SLC35F4: variants seen among roughly 807,000 people sequenced by gnomAD.
SLC35F4 encodes chromosome 14 open reading frame 36.
In SLC35F4, 24 loss-of-function variants were observed where a neutral mutation model predicts 44.2. That is an observed-to-expected ratio of 0.54 (90% CI 0.39 to 0.76). The LOEUF is 0.76. Among genes scored for constraint, SLC35F4 ranks in the 30% least tolerant of loss-of-function variants. SLC35F4 has a pLI of 0.00. For missense variants in SLC35F4, 562 were observed against 586.1 expected, an observed-to-expected ratio of 0.96 and a Z score of 0.42; for synonymous variants, 238 against 223.6, an observed-to-expected ratio of 1.06 and a Z score of -0.57.
intron 1 of SLC35F4, among the ~76,000 whole-genome samples, chr14:57,774,026 C>T (rs755597576): frequency 1.9e-4 from 29 of 152,068 alleles, no homozygotes; most frequent in Non-Finnish European, 3.5e-4. Flanking sequence ...ATACACCATC[C>T]ATGTATTAAA....
chr14:57,799,711 C>G (rs982049101), intron 1 of SLC35F4, among the ~76,000 whole-genome samples: 1 of 152,244 alleles, frequency 6.6e-6, no homozygotes, highest in African/African-American at 2.4e-5. Context: ...GGAAGGCTCC[C>G]CCTCAATGCA....
At chr14:57,901,507 G>T (rs531720568) in intron 1 of SLC35F4, among the ~76,000 whole-genome samples, 4 of 152,002 alleles carry the variant, frequency 2.6e-5, no homozygotes, top group African/African-American at 7.2e-5. Context: ...AACAACACAC[G>T]CTGGGGCCTG....
intron 4 of SLC35F4, among the ~76,000 whole-genome samples, chr14:57,575,608 A>G (rs923297372): frequency 6.6e-6 from 1 of 152,170 alleles, no homozygotes; most frequent in African/African-American, 2.4e-5. Flanking sequence ...AAATGTTTAA[A>G]CCTCTCTGCC....
At chr14:57,979,653 ATAGT>A (rs1341506575) in intron 1 of SLC35F4, among the ~76,000 whole-genome samples, 1 of 152,232 alleles carries the variant, frequency 6.6e-6, no homozygotes, top group East Asian at 1.9e-4. Flanking sequence ...AGGGAAACTG[ATAGT>A]TAAAGGCTTC....
intron 1 of SLC35F4, among the ~76,000 whole-genome samples, chr14:57,811,715 C>A (rs1156345330): frequency 6.6e-6 from 1 of 152,126 alleles, no homozygotes; most frequent in Admixed American, 6.5e-5. Flanking sequence ...ACAAGGCAAG[C>A]GACAGTCAAG....
At position 57,981,771 on chromosome 14, in the gene SLC35F4, T is replaced by G. The variant is rs115855730; in HGVS notation, n.151+142A>C. The G allele has an allele frequency of 2.5e-3, 380 of 152,306 alleles. 3 individuals are homozygous for G. Among genetic ancestry groups the G allele is most frequent in the African/African-American group, 8.7e-3 (363 of 41,558 alleles). The allele number at this position is 152,306 out of a possible 1,614,324, so 9.4% of individuals were successfully genotyped here. A position where few individuals can be genotyped will look rare whatever the true frequency, so the allele number is the denominator to read the frequency against. ...ATATAGTTCGGAAAATAAATTCAAT[T>G]ATATTTGAAATAATAAACTTGTTAC... On this transcript the variant is annotated intron_variant and non_coding_transcript_variant, in intron 1 of 1. Coordinates refer to the SLC35F4 transcript ENST00000554648.
At chr14:57,775,167 T>C (rs988109117) in intron 1 of SLC35F4, among the ~76,000 whole-genome samples, 1 of 152,198 alleles carries the variant, frequency 6.6e-6, no homozygotes, top group Admixed American at 6.5e-5. Flanking sequence ...CCAGTGCACA[T>C]GTGCACACAG....
At chr14:57,769,421 T>C (rs1052406032) in intron 1 of SLC35F4, among the ~76,000 whole-genome samples, 1 of 152,202 alleles carries the variant, frequency 6.6e-6, no homozygotes, top group Non-Finnish European at 1.5e-5. Context: ...TTAAACATTC[T>C]TCCAAAGAAA....
chr14:57,733,440 G>C (rs1594911645), intron 1 of SLC35F4, among the ~76,000 whole-genome samples: 1 of 147,704 alleles, frequency 6.8e-6, no homozygotes, highest in Admixed American at 6.8e-5. Flanking sequence ...ACAAAGTTAA[G>C]TAGAAAGATA....
intron 3 of SLC35F4, among the ~76,000 whole-genome samples, chr14:57,588,225 A>C (rs757710618): frequency 6.6e-6 from 1 of 152,246 alleles, no homozygotes; most frequent in East Asian, 1.9e-4. Flanking sequence ...GAAGAGTCGT[A>C]TAATGTACCA....
intron 1 of SLC35F4, among the ~76,000 whole-genome samples, chr14:57,692,217 G>T (rs576320319): frequency 6.6e-6 from 1 of 152,132 alleles, no homozygotes; most frequent in Non-Finnish European, 1.5e-5. Flanking sequence ...AAGTTCTACC[G>T]TGGAAGGACT....
At chr14:57,684,231 T>C (rs1217503916) in intron 1 of SLC35F4, among the ~76,000 whole-genome samples, 2 of 152,124 alleles carry the variant, frequency 1.3e-5, no homozygotes, top group Non-Finnish European at 2.9e-5. Flanking sequence ...ACGCCGCTGC[T>C]GGCACAGGCT....
chr14:57,967,793 T>C lies in SLC35F4; in HGVS notation n.282+14120A>G, dbSNP rs562093023. ...CATTGACCTAAATTGAGACAAGAAG[T>C]CATCAACTTCAATAGCAGGAGCCCT... On this transcript the variant is annotated intron_variant and non_coding_transcript_variant, in intron 1 of 1. Coordinates refer to the SLC35F4 transcript ENST00000556568. Among the ~76,000 whole-genome samples, 28 of 152,254 alleles carry C rather than the reference T, an allele frequency of 1.8e-4. 1 individual carries two copies. The South Asian group carries it at 5.6e-3, about 30-fold the overall frequency.
chr14:57,742,696 T>C (rs938612076), intron 1 of SLC35F4, among the ~76,000 whole-genome samples: 2 of 152,214 alleles, frequency 1.3e-5, no homozygotes, highest in South Asian at 2.1e-4. Context: ...TATCCAGGAA[T>C]TGAATTCAGC....
intron 1 of SLC35F4, among the ~76,000 whole-genome samples, chr14:57,902,240 G>A (rs575683848): frequency 7.2e-4 from 109 of 152,190 alleles, no homozygotes; most frequent in African/African-American, 2.4e-3. Context: ...AATATCAAGG[G>A]TCATAAAAAT....
At chr14:57,883,990 G>C (rs1888595837) in intron 1 of SLC35F4, among the ~76,000 whole-genome samples, 1 of 152,172 alleles carries the variant, frequency 6.6e-6, no homozygotes, top group Admixed American at 6.5e-5. Context: ...AACGTTTCCA[G>C]CTAACAGGTC....
chr14:57,572,066 A>G, intron 4 of SLC35F4, 47 bp from the exon 5 acceptor site: 1 of 1,579,888 alleles, frequency 6.3e-7, no homozygotes, highest in Non-Finnish European at 8.6e-7. Context: ...ATCCCTCTGT[A>G]TCCTAGAGCA....
At chr14:57,951,667 G>T (rs369053959) in intron 1 of SLC35F4, among the ~76,000 whole-genome samples, 2 of 152,206 alleles carry the variant, frequency 1.3e-5, no homozygotes, top group African/African-American at 4.8e-5. Context: ...CAAAGCCTCA[G>T]GGAAGTTCAG....
intron 1 of SLC35F4, among the ~76,000 whole-genome samples, chr14:57,858,280 C>G (rs1219004394): frequency 6.6e-6 from 1 of 151,958 alleles, no homozygotes; most frequent in East Asian, 1.9e-4. Context: ...GGAACCAACC[C>G]AAATGTCCAT....
Sources: allele counts gnomAD v4.1 joint callset (sites outside exome capture counted in the v4.1 genomes callset), GRCh38; gene constraint gnomAD v4.1.1; transcripts MANE v1.5; gene names NCBI Gene and HGNC (gene_info 2026-07-23, HGNC 2026-07-21).